PATL1: variants seen among roughly 807,000 people sequenced by gnomAD.
PATL1 encodes PAT1 homolog 1, processing body mRNA decay factor, also known as protein PAT1 homolog 1.
In PATL1, 32 loss-of-function variants were observed where a neutral mutation model predicts 100.6. That is an observed-to-expected ratio of 0.32 (90% CI 0.24 to 0.43). The LOEUF is 0.43. PATL1 is among the 20% of genes least tolerant of loss of function. The probability of loss-of-function intolerance (pLI) is 1.00; values close to 1 mark genes in which losing one functional copy is unlikely to be tolerated. For missense variants in PATL1, 747 were observed against 949.9 expected (o/e 0.79, Z 2.81); for synonymous variants, 332 against 330.0 (o/e 1.01, Z -0.07).
intron 14 of PATL1, among the ~76,000 whole-genome samples, chr11:59,648,263 G>A (rs1861392152): frequency 7.3e-6 from 1 of 136,138 alleles, no homozygotes; most frequent in African/African-American, 2.8e-5. Flanking sequence ...TTGGTTCATT[G>A]CAGCCTCCAC....
rs192781382 is a variant in PATL1, at chr11:59,647,900, G to C, written c.1747C>G (p.His583Asp). The C allele has an allele frequency of 2.0e-4, 317 of 1,604,560 alleles. 1 individual carries two copies. In the African/African-American group the frequency reaches 3.8e-3, roughly 19 times the overall value. ...LPGQERPSDD[H>D]FVQIMCIRKG... ...CGGATACACATGATCTGTACAAAGT[G>C]GTCATCACTAGGCCTGCAAGGAAGA... Residue 583 changes from histidine to aspartate, a missense_variant, in exon 15 of 19, where the codon CAC becomes GAC. Physicochemically the swap from His to Asp is moderately conservative, Grantham distance 81. Transcript: ENST00000300146.
chr11:59,642,278 C>T (rs1292220252), intron 16 of PATL1, among the ~76,000 whole-genome samples: 3 of 152,220 alleles, frequency 2.0e-5, no homozygotes, highest in Non-Finnish European at 4.4e-5. Context: ...GATGATTCTA[C>T]TATTCATAGT....
chr11:59,653,984 T>G lies in PATL1; in HGVS notation c.1120A>C (p.Ser374Arg), dbSNP rs1861485344. Residue 374 changes from serine (S) to arginine (R), a missense_variant and splice_region_variant, in exon 9 of 19, where the codon AGT becomes CGT. Transcript: ENST00000300146. ...LLHQRQQQNRSQHRNLNGAGD... is the reference protein window; with the variant it reads ...LLHQRQQQNRRQHRNLNGAGD... ...TAAAGGAATCGGATGAGTACTTACC[T>G]TCTATTCTGTTGCTGTCTCTGATGC... 1 of 1,608,624 alleles carries G rather than the reference T, an allele frequency of 6.2e-7. No individual in the cohort carries two copies. Among genetic ancestry groups the G allele is most frequent in the Non-Finnish European group, 8.5e-7 (1 of 1,175,118 alleles).
At chr11:59,666,826 A>G (rs1487112292) in intron 2 of PATL1, 27 bp downstream of exon 2, 2 of 1,544,234 alleles carry the variant, frequency 1.3e-6, no homozygotes, top group African/African-American at 1.4e-5. Flanking sequence ...GGCTAAGATG[A>G]TATTATAAGC....
chr11:59,657,996 T>C (rs1861561741), intron 4 of PATL1, among the ~76,000 whole-genome samples: 2 of 151,668 alleles, frequency 1.3e-5, no homozygotes, highest in Admixed American at 1.3e-4. Flanking sequence ...AGACTTCATC[T>C]ATACAAAAAT....
intron 4 of PATL1, among the ~76,000 whole-genome samples, 161 bp downstream of exon 4, chr11:59,658,691 TTGCAACCTTTACCC>T (rs1861578453): frequency 6.6e-6 from 1 of 152,158 alleles, no homozygotes; most frequent in African/African-American, 2.4e-5. Context: ...AATGGCTCCC[TTGCAACCTTTACCC>T]TGGAGGCTAA....
intron 13 of PATL1, 80 bp downstream of exon 13, chr11:59,650,674 C>G (rs1861430472): frequency 2.1e-6 from 2 of 960,160 alleles, no homozygotes; most frequent in East Asian, 5.5e-5. Flanking sequence ...ACTGATTGCT[C>G]ACTGTTTCAG....
At chr11:59,661,006 C>T (rs574820904) in intron 2 of PATL1, among the ~76,000 whole-genome samples, 3 of 152,290 alleles carry the variant, frequency 2.0e-5, no homozygotes, top group African/African-American at 7.2e-5. Flanking sequence ...ACTTCCAACG[C>T]ATCTCACTCC....
At chr11:59,651,966 G>A (rs1052946170) in intron 11 of PATL1, among the ~76,000 whole-genome samples, 2 of 147,740 alleles carry the variant, frequency 1.4e-5, no homozygotes, top group Non-Finnish European at 3.0e-5. Flanking sequence ...TCAGGAGGGT[G>A]AGACATGAGA....
At chr11:59,645,732 C>G (rs897362703) in intron 15 of PATL1, among the ~76,000 whole-genome samples, 1 of 152,092 alleles carries the variant, frequency 6.6e-6, no homozygotes, top group Non-Finnish European at 1.5e-5. Flanking sequence ...ACTGTTCTTT[C>G]TGATGAAAAT....
At chr11:59,649,380 T>C (rs1432084388) in intron 14 of PATL1, 82 bp downstream of exon 14, 1 of 1,499,622 alleles carries the variant, frequency 6.7e-7, no homozygotes, top group African/African-American at 1.4e-5. Flanking sequence ...GAAGTGTACC[T>C]AAAAGGCAAA....
At chr11:59,649,860 G>A (rs1020624346) in intron 13 of PATL1, among the ~76,000 whole-genome samples, 9 of 151,964 alleles carry the variant, frequency 5.9e-5, no homozygotes, top group South Asian at 4.1e-4. Flanking sequence ...GGTGGCTCAC[G>A]CCTGTAATCC....
intron 15 of PATL1, among the ~76,000 whole-genome samples, chr11:59,645,863 A>G (rs1431356127): frequency 1.3e-5 from 2 of 152,110 alleles, no homozygotes; most frequent in Non-Finnish European, 2.9e-5. Flanking sequence ...TATCTTGTAC[A>G]TTTCATGATT....
rs1230232732 is a variant in PATL1, at chr11:59,639,418, C to G, written c.2050-35G>C. The G allele has an allele frequency of 8.7e-6, 13 of 1,499,742 alleles. No homozygotes were observed. The East Asian group carries it at 3.2e-4, about 37-fold the overall frequency. 92.9% of individuals were successfully genotyped at this position (1,499,742 alleles called of 1,614,324 possible). On this transcript the variant is annotated intron_variant, in intron 16 of 18. Coordinates refer to ENST00000300146, the MANE Select transcript of PATL1 (RefSeq NM_152716.3). ...AAGACAGAGGGAATCAAACTCAACA[C>G]TGTGTCTAAACCTCCTCCACCACTG...
intron 2 of PATL1, among the ~76,000 whole-genome samples, chr11:59,666,442 A>G (rs1861692052): frequency 6.6e-6 from 1 of 152,182 alleles, no homozygotes; most frequent in South Asian, 2.1e-4. Flanking sequence ...AAACACATAT[A>G]CCCACATCCT....
chr11:59,656,469 C>T, intron 6 of PATL1, 30 bp downstream of exon 6: 1 of 1,555,478 alleles, frequency 6.4e-7, no homozygotes, highest in Non-Finnish European at 8.9e-7. Context: ...ATACATACTG[C>T]ACATTTTTGT....
Position 59,652,561 on chromosome 11 carries a change from C to T in PATL1, c.1329G>A (p.Leu443=), listed in dbSNP as rs746718304. ...CACCTTGTATTTCTTCAGCAGCTGA[C>T]AGTTTCTCCAGTTTTTCAAAGTAAT... ...YQNYFEKLEK[L]SAAEEIQGDG... The change falls in exon 11 of 19, where the codon CTG becomes CTA. Residue 443 remains leucine, a synonymous_variant. Coordinates refer to ENST00000300146, the MANE Select transcript of PATL1 (RefSeq NM_152716.3). The T allele has an allele frequency of 8.1e-6, 13 of 1,613,664 alleles. No homozygotes were observed. Among genetic ancestry groups the T allele is most frequent in the Non-Finnish European group, 1.1e-5 (13 of 1,179,822 alleles).
At chr11:59,651,837 G>C (rs1861448195) in intron 11 of PATL1, among the ~76,000 whole-genome samples, 196 bp from the exon 12 acceptor site, 1 of 151,688 alleles carries the variant, frequency 6.6e-6, no homozygotes, top group African/African-American at 2.4e-5. Flanking sequence ...GGCCGAGGGG[G>C]GTAGATCACT....
At chr11:59,657,013 T>C (rs1861546184) in intron 5 of PATL1, 3 of 901,754 alleles carry the variant, frequency 3.3e-6, no homozygotes. Flanking sequence ...TGTGATACAT[T>C]GTGACTCCAC....
Sources: gnomAD v4.1 joint callset for allele counts (sites outside exome capture counted in the v4.1 genomes callset) on GRCh38, gnomAD v4.1.1 for gene constraint, MANE v1.5 for transcripts, NCBI Gene and HGNC (gene_info 2026-07-23, HGNC 2026-07-21) for gene names.